RABGGTB: variants seen among roughly 807,000 people sequenced by gnomAD.
RABGGTB encodes Rab geranylgeranyltransferase subunit beta.
RABGGTB carries 20 observed loss-of-function variants against 44.5 expected under a neutral mutation model. The ratio of observed to expected loss-of-function variants is 0.45; its 90% CI spans 0.32 to 0.65. The LOEUF (loss-of-function observed/expected upper bound fraction) is 0.65. Among genes scored for constraint, RABGGTB ranks in the 30% least tolerant of loss-of-function variants. RABGGTB has a pLI of 0.05. For missense variants in RABGGTB, 302 were observed against 398.7 expected, an observed-to-expected ratio of 0.76 and a Z score of 2.06; for synonymous variants, 128 against 136.7, an observed-to-expected ratio of 0.94 and a Z score of 0.44.
chr1:75,790,711 C>T (rs1271444926), intron 4 of RABGGTB, among the ~76,000 whole-genome samples: 7 of 152,086 alleles, frequency 4.6e-5, no homozygotes, highest in Non-Finnish European at 7.4e-5. Flanking sequence ...GGCTGGAGAG[C>T]TCTGTTGCCC....
intron 1 of RABGGTB, 21 bp downstream of exon 1, chr1:75,786,295 G>T: frequency 6.2e-7 from 1 of 1,614,180 alleles, no homozygotes; most frequent in Non-Finnish European, 8.5e-7. Flanking sequence ...GTTTAGCGCT[G>T]CTGTCCGGAT....
rs144660498 is a variant in RABGGTB, at chr1:75,786,997, T to G, written c.4-500T>G. 3.1e-3 allele frequency: 1,468 copies of G among 478,196 alleles called. 20 individuals are homozygous for G. The highest frequency in any genetic ancestry group is 0.026 in the African/African-American group (1,330 of 51,156). The allele number at this position is 478,196 out of a possible 1,614,324, so 29.6% of individuals were successfully genotyped here. On this transcript the variant is annotated intron_variant, in intron 1 of 8. Coordinates refer to ENST00000319942, the MANE Select transcript of RABGGTB (RefSeq NM_004582.4). ...TGTCCTGAAATGATAAGCTTTGATATTCTATGGTGTTTATTTTTTACTTAT... is the reference window on the plus strand; with the variant it reads ...TGTCCTGAAATGATAAGCTTTGATAGTCTATGGTGTTTATTTTTTACTTAT...
intron 7 of RABGGTB, among the ~76,000 whole-genome samples, chr1:75,792,754 G>A (rs1649676087): frequency 6.6e-6 from 1 of 152,172 alleles, no homozygotes; most frequent in African/African-American, 2.4e-5. Flanking sequence ...TTGTCCTGTA[G>A]AGCAAGTGCA....
Position 75,787,569 on chromosome 1 carries a change from T to A in RABGGTB, c.76T>A (p.Tyr26Asn). 6.2e-7 allele frequency: 1 copy of A among 1,613,744 alleles called. No homozygotes were observed. Among genetic ancestry groups the A allele is most frequent in the Non-Finnish European group, 8.5e-7 (1 of 1,179,618 alleles). The change falls in exon 2 of 9, where the codon TAT becomes AAT. Residue 26 changes from tyrosine to asparagine, a missense_variant. Tyr to Asn is a moderately radical substitution (Grantham distance 143). This residue lies in a region of RABGGTB where 89 missense variants were observed against 75.0 expected (regional missense o/e 1.19). Coordinates refer to ENST00000319942, the MANE Select transcript of RABGGTB (RefSeq NM_004582.4). Reference sequence around the variant, plus strand: ...TTTGTTATTGGAGAAACATGCAGATTATATCGCATCCTATGGCTCAAAGAA... The same window carrying A: ...TTTGTTATTGGAGAAACATGCAGATAATATCGCATCCTATGGCTCAAAGAA... ...DTLLLEKHAD[Y>N]IASYGSKKDD...
Position 75,794,512 on chromosome 1 carries a change from G to A in RABGGTB, c.858G>A (p.Val286=). 2 of 1,608,156 alleles carry A rather than the reference G, an allele frequency of 1.2e-6. No homozygotes were observed. Among genetic ancestry groups the A allele is most frequent in the Middle Eastern group, 1.7e-4 (1 of 6,000 alleles). Residue 286 remains valine, a splice_region_variant and synonymous_variant, in exon 9 of 9, where the codon GTG becomes GTA. Transcript: ENST00000319942. ...GGFADRPGDM[V]DPFHTLFGIA... is the part of the protein sequence containing the mutation. ...TATATAAATTCTTTTTTAAATAGGT[G>A]GATCCTTTTCATACCTTATTTGGAA...
chr1:75,791,607 T>G, intron 6 of RABGGTB, 36 bp downstream of exon 6: 1 of 1,525,704 alleles, frequency 6.6e-7, no homozygotes, highest in Non-Finnish European at 9.0e-7. Context: ...GTATTGTCAT[T>G]TTGGAAGCCA....
At chr1:75,789,128 G>A in intron 2 of RABGGTB, 31 bp from the exon 3 acceptor site, 3 of 1,589,922 alleles carry the variant, frequency 1.9e-6, no homozygotes, top group Non-Finnish European at 2.6e-6. Context: ...CAGTTCAAAT[G>A]ACAGATTTAA....
At position 75,791,352 on chromosome 1, in the gene RABGGTB, TTTGA is replaced by T; in HGVS notation, c.468+20_468+23del. 1.9e-6 allele frequency: 3 copies of T among 1,605,926 alleles called. No individual in the cohort carries two copies. The highest frequency in any genetic ancestry group is 2.6e-6 in the Non-Finnish European group (3 of 1,172,738). On this transcript the variant is annotated intron_variant, in intron 5 of 8. Transcript: ENST00000319942. The stretch of plus-strand genomic sequence containing the variant: ...TGGCTTTGTTGGTAAGCTTTGAATA[TTTGA>T]TTGAAATGATTAAAGTTCATGAATA...
intron 3 of RABGGTB, chr1:75,789,696 G>A: frequency 3.5e-6 from 2 of 570,998 alleles, no homozygotes; most frequent in Admixed American, 6.2e-5. Flanking sequence ...TCAGGACTTT[G>A]TGTGGATGTG....
rs780632138 is a variant in RABGGTB at position 75,794,231 on chromosome 1, A to G, written c.853A>G (p.Met285Val). Residue 285 changes from methionine to valine, a missense_variant and splice_region_variant, in exon 8 of 9, where the codon ATG becomes GTG. By Grantham distance (21) the Met-to-Val change is conservative. Around this residue, in one of 2 missense-constraint regions of RABGGTB, gnomAD observed 213 missense variants for 323.7 expected, o/e 0.66. Coordinates refer to ENST00000319942, the MANE Select transcript of RABGGTB (RefSeq NM_004582.4). Reference protein sequence around the residue: ...TGGFADRPGDMVDPFHTLFGI... With the variant: ...TGGFADRPGDVVDPFHTLFGI... ...GGGATTTGCAGACAGGCCAGGAGAT[A>G]TGGCAAGTAATATTTCTGACATATT... The G allele has an allele frequency of 1.2e-6, 2 of 1,600,322 alleles. No homozygotes were observed. The highest frequency in any genetic ancestry group is 1.7e-6 in the Non-Finnish European group (2 of 1,172,946).
rs2100485448 is a variant in RABGGTB, at chr1:75,789,232, A to G, written c.185A>G (p.Gln62Arg). ...CTGACAGTAATGGATCTCATGGGACAACTTCATCGCATGAATAGAGAAGAG... is the reference window on the plus strand; with the variant it reads ...CTGACAGTAATGGATCTCATGGGACGACTTCATCGCATGAATAGAGAAGAG... ...WGLTVMDLMGQLHRMNREEIL... is the reference protein window; with the variant it reads ...WGLTVMDLMGRLHRMNREEIL... Residue 62 changes from glutamine (Q) to arginine (R), a missense_variant, in exon 3 of 9, where the codon CAA becomes CGA. Coordinates refer to ENST00000319942, the MANE Select transcript of RABGGTB (RefSeq NM_004582.4). The G allele has an allele frequency of 1.9e-6, 3 of 1,614,056 alleles. No homozygotes were observed. The Middle Eastern group carries it at 5.0e-4, about 266-fold the overall frequency.
intron 3 of RABGGTB, 66 bp from the exon 4 acceptor site, chr1:75,789,886 G>A: frequency 8.2e-7 from 1 of 1,214,454 alleles, no homozygotes; most frequent in Admixed American, 2.0e-5. Flanking sequence ...CTTAAAAAGA[G>A]TTGAGCATAA....
chr1:75,788,959 T>A (rs911410189), intron 2 of RABGGTB, 200 bp from the exon 3 acceptor site: 11 of 575,824 alleles, frequency 1.9e-5, no homozygotes, highest in Non-Finnish European at 3.4e-5. Context: ...CAGATAATTG[T>A]TTTTTTCTGA....
At chr1:75,786,896 G>T (rs182985336) in intron 1 of RABGGTB, 1 of 335,532 alleles carries the variant, frequency 3.0e-6, no homozygotes, top group Non-Finnish European at 5.7e-6. Context: ...GATTAAGCAA[G>T]AATTCGCTTG....
chr1:75,789,388 A>C, intron 3 of RABGGTB, 32 bp downstream of exon 3: 1 of 1,587,028 alleles, frequency 6.3e-7, no homozygotes, highest in African/African-American at 1.3e-5. Flanking sequence ...AACGATCTTG[A>C]TAGTATGTTC....
intron 7 of RABGGTB, 90 bp downstream of exon 7, chr1:75,792,396 C>A (rs1486589480): frequency 6.5e-6 from 10 of 1,527,186 alleles, no homozygotes; most frequent in Non-Finnish European, 8.9e-7. Context: ...TGTAAATTGG[C>A]CATGAGCTTA....
At chr1:75,786,595 T>G (rs1029008324) in intron 1 of RABGGTB, 1 of 368,318 alleles carries the variant, frequency 2.7e-6, no homozygotes, top group African/African-American at 2.1e-5. Context: ...TGTCAAAGAT[T>G]TCTTTAAAAT....
At chr1:75,787,731 C>G (rs948818140) in intron 2 of RABGGTB, 127 bp downstream of exon 2, 4 of 760,400 alleles carry the variant, frequency 5.3e-6, no homozygotes, top group African/African-American at 3.5e-5. Context: ...TGTGCTGTGC[C>G]TTTGAACTTC....
chr1:75,787,174 G>A, intron 1 of RABGGTB: 1 of 580,584 alleles, frequency 1.7e-6, no homozygotes, highest in South Asian at 1.4e-5. Flanking sequence ...TCGTGACTAA[G>A]ACGAAGCCTG....
Sources: gnomAD v4.1 joint callset for allele counts (sites outside exome capture counted in the v4.1 genomes callset) on GRCh38, gnomAD v4.1.1 for gene constraint, gnomAD v4.1.1 regional missense constraint, MANE v1.5 for transcripts, NCBI Gene and HGNC (gene_info 2026-07-23, HGNC 2026-07-21) for gene names.